The following PLD5 variants were observed in gnomAD, a reference collection of about 807,000 sequenced individuals.
PLD5 encodes phospholipase D family member 5.
Under a neutral mutation model 61.1 loss-of-function variants are expected in PLD5, and 36 were observed. That is an observed-to-expected ratio of 0.59 (90% CI 0.45 to 0.78). PLD5 has a LOEUF of 0.78. PLD5 is among the 30% of genes least tolerant of loss of function. The probability of loss-of-function intolerance (pLI) is 0.00; values close to 1 mark genes in which losing one functional copy is unlikely to be tolerated. For synonymous variants in PLD5, 243 were observed against 242.8 expected, an observed-to-expected ratio of 1.00 and a Z score of -0.01; for missense variants, 515 against 644.4, an observed-to-expected ratio of 0.80 and a Z score of 2.17.
intron 4 of PLD5, among the ~76,000 whole-genome samples, chr1:242,246,813 G>C (rs963534280): frequency 1.3e-5 from 2 of 152,098 alleles, no homozygotes; most frequent in Non-Finnish European, 2.9e-5. Flanking sequence ...GAGAAAGCGT[G>C]CTTGCAGTGG....
intron 7 of PLD5, among the ~76,000 whole-genome samples, chr1:242,112,247 G>A (rs1188711100): frequency 6.6e-6 from 1 of 151,798 alleles, no homozygotes; most frequent in African/African-American, 2.4e-5. Context: ...GTGGAAGTGT[G>A]CGGTGAAAAA....
Position 242,091,000 on chromosome 1 carries a change from AC to A in PLD5, c.1355-891del, listed in dbSNP as rs1659780833. On this transcript the variant is annotated intron_variant, in intron 9 of 9. Transcript: ENST00000536534. ...ACTCCTGGGTTCAAGCGATCCCCCC[AC>A]CTCAGCCTCCCAATATGCTAGGATT... is the stretch of plus-strand genomic sequence containing the variant. 2.0e-5 allele frequency among the ~76,000 whole-genome samples: 3 copies of A among 151,582 alleles called. No individual in the cohort carries two copies. The East Asian group carries it at 5.8e-4, about 29-fold the overall frequency.
intron 5 of PLD5, among the ~76,000 whole-genome samples, chr1:242,219,263 C>T (rs776887661): frequency 2.6e-5 from 4 of 152,026 alleles, no homozygotes; most frequent in South Asian, 2.1e-4. Flanking sequence ...AGTATAATAG[C>T]GTGATCCCAA....
At chr1:242,232,751 G>A (rs1671388687) in intron 4 of PLD5, among the ~76,000 whole-genome samples, 1 of 152,132 alleles carries the variant, frequency 6.6e-6, no homozygotes, top group African/African-American at 2.4e-5. Context: ...GCTGAGGTAG[G>A]AGACTTACTT....
intron 4 of PLD5, among the ~76,000 whole-genome samples, chr1:242,226,649 A>G (rs548570517): frequency 3.3e-5 from 5 of 152,356 alleles, no homozygotes; most frequent in African/African-American, 1.2e-4. Context: ...ACTAATCAAG[A>G]TAAAGTGATG....
chr1:242,337,540 A>G (rs1659593848), intron 2 of PLD5, among the ~76,000 whole-genome samples: 1 of 152,202 alleles, frequency 6.6e-6, no homozygotes, highest in South Asian at 2.1e-4. Flanking sequence ...CTGAGGCCGA[A>G]GAATTGCTTG....
At chr1:242,117,938 T>C (rs1254709464) in intron 6 of PLD5, among the ~76,000 whole-genome samples, 2 of 151,556 alleles carry the variant, frequency 1.3e-5, no homozygotes, top group African/African-American at 2.4e-5. Flanking sequence ...TTGCTCCAGA[T>C]GGGTTCTCAG....
chr1:242,346,378 A>T (rs952031704), intron 2 of PLD5, among the ~76,000 whole-genome samples: 4 of 152,156 alleles, frequency 2.6e-5, no homozygotes, highest in African/African-American at 9.7e-5. Context: ...TTTGACCTCT[A>T]TGAAATTGCC....
intron 1 of PLD5, among the ~76,000 whole-genome samples, chr1:242,386,936 T>C (rs908561990): frequency 6.6e-6 from 1 of 152,156 alleles, no homozygotes; most frequent in Non-Finnish European, 1.5e-5. Flanking sequence ...AATCAATTTG[T>C]CATCACTGGA....
chr1:242,134,345 T>C (rs905178643), intron 5 of PLD5, among the ~76,000 whole-genome samples: 1 of 152,044 alleles, frequency 6.6e-6, no homozygotes, highest in African/African-American at 2.4e-5. Context: ...AGCCCTTGGA[T>C]AGGAAGCTGA....
rs1387355306 is a variant in PLD5 at position 242,394,653 on chromosome 1, T to C, written c.190-46411A>G. Among the ~76,000 whole-genome samples, 4 of 38,422 alleles carry C rather than the reference T, an allele frequency of 1.0e-4. 1 individual carries two copies. The East Asian group carries it at 2.2e-3, about 21-fold the overall frequency. The allele number at this position is 38,422 out of a possible 152,430, so 25.2% of individuals were successfully genotyped here. On this transcript the variant is annotated intron_variant, in intron 1 of 9. Coordinates refer to ENST00000536534, the MANE Select transcript of PLD5 (RefSeq NM_001372062.1). The stretch of plus-strand genomic sequence containing the variant: ...ATGTGAACATATATATGTGTATATA[T>C]GTGAACATATATATGTGTATATATG...
At chr1:242,405,160 G>A (rs570178148) in intron 1 of PLD5, among the ~76,000 whole-genome samples, 57 of 152,102 alleles carry the variant, frequency 3.7e-4, no homozygotes, top group Admixed American at 1.2e-3. Context: ...GAGCCACCTC[G>A]CCTGGCCCTC....
rs113799430 is a variant in PLD5 at position 242,221,660 on chromosome 1, GT to G, written c.608-1546del. 2.7e-3 allele frequency among the ~76,000 whole-genome samples: 404 copies of G among 152,256 alleles called. 2 individuals carry two copies. Among genetic ancestry groups the G allele is most frequent in the African/African-American group, 8.9e-3 (368 of 41,532 alleles). On this transcript the variant is annotated intron_variant, in intron 4 of 9. Coordinates refer to ENST00000536534, the MANE Select transcript of PLD5 (RefSeq NM_001372062.1). ...TTTGTCTTCCAAGTGGCGGGCACATGTTTCTCTGCCTCCAGCCATCCTGGAA... is the reference window on the plus strand; with the variant it reads ...TTTGTCTTCCAAGTGGCGGGCACATGTTCTCTGCCTCCAGCCATCCTGGAA...
At chr1:242,348,901 A>C (rs1361227009) in intron 1 of PLD5, among the ~76,000 whole-genome samples, 1 of 152,132 alleles carries the variant, frequency 6.6e-6, no homozygotes, top group Non-Finnish European at 1.5e-5. Context: ...AAAAATACAA[A>C]AAATTAGCTG....
At position 242,220,050 on chromosome 1, in the gene PLD5, T is replaced by C. The variant is rs1479424146; in HGVS notation, c.673A>G (p.Ile225Val). ...ATATACACGTGCTGTTTGTCCACGA[T>C]CCAGAAGGAGGACTGCAGCCGGCCC... ...NKGRLQSSFW[I>V]VDKQHVYIGS... The change falls in exon 5 of 10, where the codon ATC becomes GTC. Residue 225 changes from isoleucine (I) to valine (V), a missense_variant. Ile to Val is a conservative substitution (Grantham distance 29, BLOSUM62 3). Around this residue, in one of 2 missense-constraint regions of PLD5, gnomAD observed 450 missense variants for 598.1 expected, o/e 0.75. Coordinates refer to ENST00000536534, the MANE Select transcript of PLD5 (RefSeq NM_001372062.1). The C allele has an allele frequency of 6.2e-7, 1 of 1,614,204 alleles. No individual in the cohort carries two copies. Among genetic ancestry groups the C allele is most frequent in the East Asian group, 2.2e-5 (1 of 44,884 alleles).
chr1:242,375,055 G>A (rs567931710), intron 1 of PLD5, among the ~76,000 whole-genome samples: 18 of 152,208 alleles, frequency 1.2e-4, no homozygotes, highest in African/African-American at 4.3e-4. Context: ...TTGCACACCT[G>A]GCTGTCATTC....
At chr1:242,321,561 T>A (rs1037160177) in intron 2 of PLD5, among the ~76,000 whole-genome samples, 1 of 152,166 alleles carries the variant, frequency 6.6e-6, no homozygotes, top group Non-Finnish European at 1.5e-5. Context: ...CACCTTGGCC[T>A]CCCAAAGTGC....
intron 5 of PLD5, among the ~76,000 whole-genome samples, chr1:242,211,889 G>A (rs1669846632): frequency 6.6e-6 from 1 of 152,174 alleles, no homozygotes; most frequent in South Asian, 2.1e-4. Context: ...TAAAGCTAGT[G>A]GAGCCTATGT....
At chr1:242,161,812 T>C (rs1368616119) in intron 5 of PLD5, among the ~76,000 whole-genome samples, 2 of 152,134 alleles carry the variant, frequency 1.3e-5, no homozygotes, top group East Asian at 3.9e-4. Flanking sequence ...TTGGTGCCCT[T>C]GATGATTTCT....
Sources: gnomAD v4.1 joint callset for allele counts (sites outside exome capture counted in the v4.1 genomes callset) on GRCh38, gnomAD v4.1.1 for gene constraint, gnomAD v4.1.1 regional missense constraint, MANE v1.5 for transcripts, NCBI Gene and HGNC (gene_info 2026-07-23, HGNC 2026-07-21) for gene names.